Variants in SNX27 observed in about 807,000 individuals in gnomAD.
SNX27 encodes the protein sorting nexin 27.
A neutral mutation model predicts 71.6 loss-of-function variants in SNX27; 22 were observed. The observed-to-expected ratio is 0.31, with a 90% CI of 0.22 to 0.44. The LOEUF (loss-of-function observed/expected upper bound fraction) is 0.44. Ranked by LOEUF, SNX27 falls within the 20% of genes least tolerant of loss-of-function variation. SNX27 has a pLI of 1.00. For missense variants in SNX27, 531 were observed against 698.6 expected (o/e 0.76, Z 2.70); for synonymous variants, 269 against 277.2 (o/e 0.97, Z 0.29).
chr1:151,681,233 A>ATTTTTTTTTTTTTTTTTT (rs1558071789), intron 7 of SNX27, among the ~76,000 whole-genome samples: 2 of 87,376 alleles, frequency 2.3e-5, no homozygotes, highest in Non-Finnish European at 4.5e-5. Flanking sequence ...TAGTCTCTCA[A>ATTTTTTTTTTTTTTTTTT]TCTTTTTTTT....
rs924941624 is a variant in SNX27 at position 151,697,663 on chromosome 1, G to T, written c.*3246G>T. 6.5e-6 allele frequency: 1 copy of T among 152,838 alleles called. No homozygotes were observed. Among genetic ancestry groups the T allele is most frequent in the Non-Finnish European group, 1.5e-5 (1 of 68,222 alleles). 9.5% of individuals were successfully genotyped at this position (152,838 alleles called of 1,614,324 possible). On this transcript the variant is annotated 3_prime_UTR_variant, in exon 12 of 12. Transcript: ENST00000458013. ...ATCCCATAGGATCAAGCCCTTCTTT[G>T]CATGAAGCAGTGTTGTGACTCTTCT...
At chr1:151,694,315 C>T in intron 11 of SNX27, 55 bp from the exon 12 acceptor site, 1 of 1,546,178 alleles carries the variant, frequency 6.5e-7, no homozygotes, top group South Asian at 1.2e-5. Flanking sequence ...GTGGAGTTGT[C>T]TCCAGATAAG....
chr1:151,636,183 GA>G (rs1189995401), intron 1 of SNX27, among the ~76,000 whole-genome samples: 2 of 151,716 alleles, frequency 1.3e-5, no homozygotes, highest in Admixed American at 6.6e-5. Context: ...TTCTTTAAAG[GA>G]AAAAAAATCA....
At chr1:151,634,415 A>T (rs1040225790) in intron 1 of SNX27, among the ~76,000 whole-genome samples, 1 of 152,142 alleles carries the variant, frequency 6.6e-6, no homozygotes, top group Non-Finnish European at 1.5e-5. Context: ...TTTTCATTGT[A>T]TATAGCTTCC....
chr1:151,678,100 A>C (rs1253974520), intron 7 of SNX27: 1 of 151,830 alleles, frequency 6.6e-6, no homozygotes, highest in Non-Finnish European at 1.5e-5. Context: ...CTGCGGTCAT[A>C]GCTCACCATA....
At chr1:151,693,355 A>G (rs1671546783) in intron 10 of SNX27, 69 bp from the exon 11 acceptor site, 3 of 1,425,458 alleles carry the variant, frequency 2.1e-6, no homozygotes, top group Non-Finnish European at 3.0e-6. Context: ...TGGGGACAGG[A>G]GTTCAAAGGC....
chr1:151,632,783 T>C (rs1456325868), intron 1 of SNX27, among the ~76,000 whole-genome samples: 2 of 152,132 alleles, frequency 1.3e-5, no homozygotes, highest in Non-Finnish European at 2.9e-5. Context: ...AGAATAGGGG[T>C]TATGCTTTTC....
chr1:151,617,299 A>G (rs956981729), intron 1 of SNX27, among the ~76,000 whole-genome samples: 14 of 152,082 alleles, frequency 9.2e-5, no homozygotes, highest in Non-Finnish European at 1.9e-4. Context: ...TTATTTAGAG[A>G]CAGCGTTTCA....
At chr1:151,636,488 A>G (rs1024486876) in intron 1 of SNX27, among the ~76,000 whole-genome samples, 4 of 151,920 alleles carry the variant, frequency 2.6e-5, no homozygotes, top group Non-Finnish European at 5.9e-5. Flanking sequence ...TATTTCGTAT[A>G]GAGACGGGGT....
intron 6 of SNX27, among the ~76,000 whole-genome samples, 169 bp from the exon 7 acceptor site, chr1:151,668,303 T>G (rs1670302302): frequency 6.6e-6 from 1 of 152,244 alleles, no homozygotes; most frequent in South Asian, 2.1e-4. Context: ...GATATTTGGC[T>G]GGACAGATAA....
intron 1 of SNX27, among the ~76,000 whole-genome samples, chr1:151,632,659 A>G (rs1668294437): frequency 6.6e-6 from 1 of 152,148 alleles, no homozygotes; most frequent in African/African-American, 2.4e-5. Flanking sequence ...GAGGTGAAGG[A>G]AAAAGCATAT....
intron 11 of SNX27, chr1:151,693,827 G>C (rs1040676255): frequency 1.2e-5 from 17 of 1,438,942 alleles, no homozygotes; most frequent in African/African-American, 4.3e-5. Flanking sequence ...GCTGTCCTCA[G>C]TTGTAGCCGT....
chr1:151,668,782 G>A (rs1670329064), intron 7 of SNX27, 147 bp downstream of exon 7: 11 of 578,474 alleles, frequency 1.9e-5, no homozygotes, highest in Non-Finnish European at 2.8e-5. Context: ...CCCATTTCAC[G>A]AAAGATAAAT....
chr1:151,670,432 G>A (rs1287461715), intron 7 of SNX27, among the ~76,000 whole-genome samples: 2 of 152,080 alleles, frequency 1.3e-5, no homozygotes, highest in Admixed American at 6.6e-5. Context: ...TTGCTGGATC[G>A]TATGATGGTT....
At chr1:151,614,233 C>T (rs1029341155) in intron 1 of SNX27, 1 of 151,738 alleles carries the variant, frequency 6.6e-6, no homozygotes, top group African/African-American at 2.4e-5. Flanking sequence ...GACAGTATAC[C>T]TTTCCTCTGT....
At chr1:151,671,904 G>A (rs1205807826) in intron 7 of SNX27, among the ~76,000 whole-genome samples, 2 of 151,976 alleles carry the variant, frequency 1.3e-5, no homozygotes. Context: ...GTTTTTCGGT[G>A]GAGTCTTTAG....
At chr1:151,637,901 A>G (rs1371833161) in intron 1 of SNX27, among the ~76,000 whole-genome samples, 1 of 152,248 alleles carries the variant, frequency 6.6e-6, no homozygotes, top group African/African-American at 2.4e-5. Context: ...TGTTAAATTG[A>G]TTAGAGGTCA....
intron 2 of SNX27, among the ~76,000 whole-genome samples, chr1:151,645,353 G>T (rs1242384128): frequency 1.1e-4 from 16 of 152,114 alleles, no homozygotes; most frequent in Admixed American, 1.0e-3. Context: ...ATATTCTTCT[G>T]GTTCTTTGTA....
intron 1 of SNX27, among the ~76,000 whole-genome samples, chr1:151,633,515 C>G (rs1668337165): frequency 6.6e-6 from 1 of 151,600 alleles, no homozygotes; most frequent in African/African-American, 2.4e-5. Context: ...CCAGGCTGGT[C>G]TCAAACTCCT....
Sources: allele counts gnomAD v4.1 joint callset (sites outside exome capture counted in the v4.1 genomes callset), GRCh38; gene constraint gnomAD v4.1.1; transcripts MANE v1.5; gene names NCBI Gene and HGNC (gene_info 2026-07-23, HGNC 2026-07-21).